PAFAH1B1: variants seen among roughly 807,000 people sequenced by gnomAD.
PAFAH1B1 encodes the protein platelet-activating factor acetylhydrolase IB subunit beta.
In PAFAH1B1, 2 loss-of-function variants were observed where a neutral mutation model predicts 57.5. The ratio of observed to expected loss-of-function variants is 0.03; its 90% confidence interval spans 0.01 to 0.11. The LOEUF is 0.11. PAFAH1B1 is among the 10% of genes least tolerant of loss of function. The probability of loss-of-function intolerance (pLI) is 1.00; values close to 1 mark genes in which losing one functional copy is unlikely to be tolerated. For synonymous variants in PAFAH1B1, 152 were observed against 169.6 expected, an observed-to-expected ratio of 0.90 and a Z score of 0.81; for missense variants, 257 against 512.0, an observed-to-expected ratio of 0.50 and a Z score of 4.81.
At chr17:2,647,696 C>T (rs568954493) in intron 2 of PAFAH1B1, among the ~76,000 whole-genome samples, 3 of 152,184 alleles carry the variant, frequency 2.0e-5, no homozygotes, top group Non-Finnish European at 4.4e-5. Flanking sequence ...ATACCCAAGA[C>T]AGGGTAATTT....
In PAFAH1B1 at chr17:2,681,891, A is replaced by G. The variant is rs536120721; in HGVS notation, c.*89A>G. 3.4e-6 allele frequency: 3 copies of G among 887,696 alleles called. No homozygotes were observed. The highest frequency in any genetic ancestry group is 5.3e-6 in the Non-Finnish European group (3 of 563,212). 55.0% of individuals were successfully genotyped at this position (887,696 alleles called of 1,614,324 possible). ...ACCCCATTGAGCTCTGTTTAAATAA[A>G]TATTGTCCTTTCATGTAAATTATTC... On this transcript the variant is annotated 3_prime_UTR_variant, in exon 11 of 11. Transcript: ENST00000397195.
chr17:2,610,566 T>C (rs1247923006), intron 1 of PAFAH1B1, among the ~76,000 whole-genome samples: 1 of 152,156 alleles, frequency 6.6e-6, no homozygotes, highest in East Asian at 1.9e-4. Context: ...CTGGGCCACA[T>C]TGGAAGAAAA....
intron 1 of PAFAH1B1, among the ~76,000 whole-genome samples, chr17:2,621,598 A>T (rs1166904796): frequency 1.4e-5 from 2 of 141,180 alleles, no homozygotes; most frequent in African/African-American, 5.3e-5. Flanking sequence ...AGCATGGTAG[A>T]TAATCTGTCT....
chr17:2,658,848 A>G (rs186220594), intron 2 of PAFAH1B1, among the ~76,000 whole-genome samples: 10 of 152,332 alleles, frequency 6.6e-5, no homozygotes, highest in African/African-American at 2.2e-4. Flanking sequence ...TTTGTCAGAC[A>G]GATTTCTTAG....
chr17:2,621,611 T>C (rs1251236427), intron 1 of PAFAH1B1, among the ~76,000 whole-genome samples: 1 of 24,376 alleles, frequency 4.1e-5, no homozygotes, highest in African/African-American at 2.5e-4. Flanking sequence ...ATCTGTCTTT[T>C]TTTTTTTTTT....
intron 2 of PAFAH1B1, among the ~76,000 whole-genome samples, chr17:2,643,887 A>G (rs2068730627): frequency 6.6e-6 from 1 of 151,596 alleles, no homozygotes; most frequent in African/African-American, 2.4e-5. Flanking sequence ...GATGTTGTTA[A>G]AGACAGATTC....
rs145616296 is a variant in PAFAH1B1 at position 2,614,483 on chromosome 17, A to T, written c.-191+20477A>T. Among the ~76,000 whole-genome samples the T allele has an allele frequency of 4.6e-3, 695 of 152,332 alleles. 4 individuals carry two copies. Among genetic ancestry groups the T allele is most frequent in the Non-Finnish European group, 7.8e-3 (533 of 68,032 alleles). On this transcript the variant is annotated intron_variant, in intron 1 of 10. Transcript: ENST00000397195. Reference sequence around the variant, plus strand: ...GAGAACATAAGATAGAAAGCAGCAAACTTAATATAGATGCAAAGAATGTGT... The same window carrying T: ...GAGAACATAAGATAGAAAGCAGCAATCTTAATATAGATGCAAAGAATGTGT...
At chr17:2,634,512 A>G (rs540709413) in intron 1 of PAFAH1B1, among the ~76,000 whole-genome samples, 7 of 152,300 alleles carry the variant, frequency 4.6e-5, no homozygotes, top group Non-Finnish European at 8.8e-5. Context: ...ACATTGAGTC[A>G]CTAGTCCTGT....
chr17:2,607,533 A>G (rs2151612543), intron 1 of PAFAH1B1, among the ~76,000 whole-genome samples: 1 of 151,034 alleles, frequency 6.6e-6, no homozygotes, highest in African/African-American at 2.4e-5. Flanking sequence ...CACCCAGGCC[A>G]GAGTGCAGCA....
intron 2 of PAFAH1B1, among the ~76,000 whole-genome samples, chr17:2,663,701 A>ATT (rs11396911): frequency 0.02 from 2,947 of 146,276 alleles, 73 homozygotes; most frequent in African/African-American, 0.054. Flanking sequence ...AATTCTCTGG[A>ATT]TTTTTTTTTT....
intron 1 of PAFAH1B1, among the ~76,000 whole-genome samples, chr17:2,621,116 T>G (rs1004247629): frequency 1.3e-5 from 2 of 152,186 alleles, no homozygotes; most frequent in Non-Finnish European, 2.9e-5. Flanking sequence ...AAAATGCTGT[T>G]ATTTTGAAAC....
Position 2,651,914 on chromosome 17 carries a change from C to T in PAFAH1B1, c.33-13458C>T, listed in dbSNP as rs534582552. Among the ~76,000 whole-genome samples the T allele has an allele frequency of 2.6e-5, 4 of 152,242 alleles. No individual in the cohort carries two copies. In the South Asian group the frequency reaches 8.3e-4, roughly 32 times the overall value. ...TTGTTGTATATTCTGTTGGTTTTGA[C>T]AAATGCCTAATGTTATATATCCATC... On this transcript the variant is annotated intron_variant, in intron 2 of 10. Transcript: ENST00000397195.
At chr17:2,608,810 G>A (rs1002449842) in intron 1 of PAFAH1B1, among the ~76,000 whole-genome samples, 2 of 152,142 alleles carry the variant, frequency 1.3e-5, no homozygotes, top group Non-Finnish European at 2.9e-5. Context: ...TCACCCTTAG[G>A]TTAATTAAAT....
At chr17:2,622,407 A>G (rs914375062) in intron 1 of PAFAH1B1, among the ~76,000 whole-genome samples, 3 of 152,166 alleles carry the variant, frequency 2.0e-5, no homozygotes, top group Non-Finnish European at 4.4e-5. Flanking sequence ...AGCCATTCCA[A>G]ATGGGAGAAA....
chr17:2,668,279 G>T (rs911941490), intron 5 of PAFAH1B1, among the ~76,000 whole-genome samples: 1 of 149,486 alleles, frequency 6.7e-6, no homozygotes, highest in Non-Finnish European at 1.5e-5. Context: ...AGCCAAGATC[G>T]CTCCACTGCA....
At chr17:2,665,305 TAA>T (rs765712146) in intron 2 of PAFAH1B1, 65 bp from the exon 3 acceptor site, 15 of 884,728 alleles carry the variant, frequency 1.7e-5, no homozygotes, top group Admixed American at 3.6e-5. Flanking sequence ...AGATTTTAAA[TAA>T]ATTCTATTTC....
At chr17:2,642,228 A>G (rs1313329278) in intron 2 of PAFAH1B1, 1 of 152,182 alleles carries the variant, frequency 6.6e-6, no homozygotes, top group Admixed American at 6.6e-5. Flanking sequence ...TCACTTCCTC[A>G]ATTCTGTAAT....
intron 1 of PAFAH1B1, among the ~76,000 whole-genome samples, chr17:2,605,029 C>T (rs1320661765): frequency 6.6e-6 from 1 of 152,110 alleles, no homozygotes; most frequent in African/African-American, 2.4e-5. Flanking sequence ...TAAACAATTT[C>T]AGGTAAAAAC....
At chr17:2,595,421 C>CTTTTTTTTT (rs71377513) in intron 1 of PAFAH1B1, among the ~76,000 whole-genome samples, 22 of 124,058 alleles carry the variant, frequency 1.8e-4, no homozygotes, top group Non-Finnish European at 2.4e-4. Context: ...GGAGTGTTTG[C>CTTTTTTTTT]TTTTTTTTTT....
Sources: allele counts gnomAD v4.1 joint callset (sites outside exome capture counted in the v4.1 genomes callset), GRCh38; gene constraint gnomAD v4.1.1; transcripts MANE v1.5; gene names NCBI Gene and HGNC (gene_info 2026-07-23, HGNC 2026-07-21).